SLC14A2: variants seen among roughly 807,000 people sequenced by gnomAD.
SLC14A2 encodes solute carrier family 14 member 2.
A neutral mutation model predicts 104.6 loss-of-function variants in SLC14A2; 91 were observed. That is an observed-to-expected ratio of 0.87 (90% CI 0.73 to 1.04). SLC14A2 has a LOEUF of 1.04. Ranked by LOEUF, SLC14A2 falls within the 50% of genes least tolerant of loss-of-function variation. The pLI is 0.00. For synonymous variants in SLC14A2, 476 were observed against 466.4 expected, an observed-to-expected ratio of 1.02 and a Z score of -0.27; for missense variants, 1,189 against 1,156.0, an observed-to-expected ratio of 1.03 and a Z score of -0.41.
intron 1 of SLC14A2, among the ~76,000 whole-genome samples, chr18:45,258,622 C>A (rs563059267): frequency 7.0e-6 from 1 of 143,214 alleles, no homozygotes; most frequent in African/African-American, 2.7e-5. Context: ...ATAATAAGTG[C>A]AAATTATATT....
chr18:45,282,478 C>T (rs2084772501), intron 1 of SLC14A2, among the ~76,000 whole-genome samples: 1 of 152,214 alleles, frequency 6.6e-6, no homozygotes, highest in South Asian at 2.1e-4. Flanking sequence ...ACTTTTGAAA[C>T]TGTGTGCTTG....
intron 1 of SLC14A2, among the ~76,000 whole-genome samples, chr18:45,393,440 A>G (rs560556811): frequency 2.0e-5 from 3 of 152,310 alleles, no homozygotes; most frequent in Admixed American, 2.0e-4. Flanking sequence ...CCTGGGAGAC[A>G]TGACACCTCA....
intron 1 of SLC14A2, among the ~76,000 whole-genome samples, chr18:45,252,435 A>G (rs1436034105): frequency 2.6e-5 from 4 of 152,222 alleles, no homozygotes. Flanking sequence ...TTAAATATAG[A>G]TAGACATCAA....
At chr18:45,501,856 C>A (rs1463191673) in intron 2 of SLC14A2, among the ~76,000 whole-genome samples, 2 of 152,198 alleles carry the variant, frequency 1.3e-5, no homozygotes, top group African/African-American at 4.8e-5. Flanking sequence ...AGGAAGCCCA[C>A]AAGTCTTGGC....
chr18:45,536,562 C>T (rs908307546), intron 2 of SLC14A2, among the ~76,000 whole-genome samples: 1 of 152,124 alleles, frequency 6.6e-6, no homozygotes, highest in African/African-American at 2.4e-5. Flanking sequence ...CCAGAGGACA[C>T]CATTCATGTC....
intron 1 of SLC14A2, among the ~76,000 whole-genome samples, chr18:45,328,018 T>C (rs1218594836): frequency 1.3e-5 from 2 of 152,134 alleles, no homozygotes; most frequent in African/African-American, 2.4e-5. Flanking sequence ...ATATACTGTC[T>C]AGACACTTAA....
intron 1 of SLC14A2, among the ~76,000 whole-genome samples, chr18:45,216,509 T>C (rs1003226310): frequency 6.6e-6 from 1 of 152,176 alleles, no homozygotes; most frequent in African/African-American, 2.4e-5. Context: ...CCCATAGTCA[T>C]TGAAATATAT....
At chr18:45,334,495 TAAGA>T (rs2085319368) in intron 1 of SLC14A2, among the ~76,000 whole-genome samples, 1 of 152,164 alleles carries the variant, frequency 6.6e-6, no homozygotes, top group Admixed American at 6.5e-5. Context: ...ACCTGAAGAA[TAAGA>T]AAGAAAGTTC....
At chr18:45,291,946 C>A (rs940640416) in intron 1 of SLC14A2, among the ~76,000 whole-genome samples, 4 of 152,134 alleles carry the variant, frequency 2.6e-5, no homozygotes, top group African/African-American at 9.7e-5. Flanking sequence ...CCCATCTTGG[C>A]ATGTGTGGTG....
Position 45,407,838 on chromosome 18 carries a change from G to T in SLC14A2, c.-124-75395G>T, listed in dbSNP as rs73433852. On this transcript the variant is annotated intron_variant, in intron 1 of 20. Coordinates refer to the SLC14A2 transcript ENST00000586448. ...TCAATTAAGTTCACAATCCTATTTG[G>T]GTGCTGTTCATGGCACTTCCAAACA... Among the ~76,000 whole-genome samples, 454 of 152,184 alleles carry T rather than the reference G, an allele frequency of 3.0e-3. 3 individuals are homozygous for T. Among genetic ancestry groups the T allele is most frequent in the African/African-American group, 0.01 (433 of 41,528 alleles).
intron 1 of SLC14A2, among the ~76,000 whole-genome samples, chr18:45,271,906 G>C (rs928265428): frequency 1.3e-5 from 2 of 152,028 alleles, no homozygotes; most frequent in African/African-American, 4.8e-5. Flanking sequence ...TTATACTACA[G>C]AGCTATAGTA....
chr18:45,190,822 T>C, the SLC14A2 span, among the ~76,000 whole-genome samples: 2 of 152,192 alleles, frequency 1.3e-5, no homozygotes, highest in Admixed American at 6.5e-5. Flanking sequence ...GTGAGAAAAC[T>C]AGCACTCAGA....
At chr18:45,249,945 T>C (rs374498442) in intron 1 of SLC14A2, among the ~76,000 whole-genome samples, 109 of 151,854 alleles carry the variant, frequency 7.2e-4, no homozygotes, top group Non-Finnish European at 2.6e-4. Context: ...CAAGATTCTG[T>C]CTCTAAAAAG....
intron 10 of SLC14A2, chr18:45,646,859 G>A (rs1236255105): frequency 6.6e-6 from 1 of 152,132 alleles, no homozygotes; most frequent in Non-Finnish European, 1.5e-5. Flanking sequence ...AGAAGAAGAA[G>A]GGTTTGGGGA....
chr18:45,585,642 G>A (rs1159279313), intron 2 of SLC14A2, among the ~76,000 whole-genome samples: 21 of 152,184 alleles, frequency 1.4e-4, no homozygotes, highest in Admixed American at 1.4e-3. Flanking sequence ...CTGGAGCCCT[G>A]AGCCCAGAGA....
chr18:45,404,923 G>A (rs1335667212), intron 1 of SLC14A2, among the ~76,000 whole-genome samples: 2 of 152,216 alleles, frequency 1.3e-5, no homozygotes, highest in Non-Finnish European at 2.9e-5. Flanking sequence ...TGAGGGTGAA[G>A]AGGGCTCCTT....
At position 45,573,974 on chromosome 18, in the gene SLC14A2, T is replaced by C. The variant is rs961055320; in HGVS notation, c.-34-50657T>C. 7.9e-5 allele frequency among the ~76,000 whole-genome samples: 12 copies of C among 152,264 alleles called. No individual in the cohort carries two copies. The East Asian group carries it at 1.9e-3, about 24-fold the overall frequency. On this transcript the variant is annotated intron_variant, in intron 2 of 20. Coordinates refer to the SLC14A2 transcript ENST00000586448. ...AGGCAAACTGGATTAGAGAAAAATA[T>C]GTATTCACATGGCTGTAAGCTAGGG...
At chr18:45,491,957 C>T (rs989895098) in intron 2 of SLC14A2, 8 of 152,214 alleles carry the variant, frequency 5.3e-5, no homozygotes, top group African/African-American at 1.9e-4. Context: ...ATGTTTCTCT[C>T]AATTTAAAGG....
chr18:45,387,566 A>G (rs147388874), intron 1 of SLC14A2, among the ~76,000 whole-genome samples: 39 of 152,292 alleles, frequency 2.6e-4, no homozygotes, highest in African/African-American at 7.9e-4. Flanking sequence ...CAATTATGTT[A>G]TCTCTCTCAA....
Sources: gnomAD v4.1 joint callset for allele counts (sites outside exome capture counted in the v4.1 genomes callset) on GRCh38, gnomAD v4.1.1 for gene constraint, MANE v1.5 for transcripts, NCBI Gene and HGNC (gene_info 2026-07-23, HGNC 2026-07-21) for gene names.